Variants in CDADC1 observed in about 807,000 individuals in gnomAD.
CDADC1 encodes dCTP deaminase.
A neutral mutation model predicts 54.9 loss-of-function variants in CDADC1; 39 were observed. That is an observed-to-expected ratio of 0.71 (90% CI 0.55 to 0.93). The LOEUF is 0.93. Among genes scored for constraint, CDADC1 ranks in the 40% least tolerant of loss-of-function variants. The probability of loss-of-function intolerance (pLI) is 0.00; values close to 1 mark genes in which losing one functional copy is unlikely to be tolerated. For missense variants in CDADC1, 518 were observed against 618.8 expected (o/e 0.84, Z 1.73); for synonymous variants, 186 against 204.0 (o/e 0.91, Z 0.75).
chr13:49,253,223 G>T (rs888381859), intron 2 of CDADC1, among the ~76,000 whole-genome samples: 1 of 152,180 alleles, frequency 6.6e-6, no homozygotes, highest in Non-Finnish European at 1.5e-5. Flanking sequence ...AGTTACCAAA[G>T]TAATATATGT....
Position 49,282,741 on chromosome 13 carries a change from T to A in CDADC1, c.1410+2043T>A, listed in dbSNP as rs1953385224. ...ACTCCCCATTGCTCACATTACTGCT[T>A]AAGCTCTGCCTCCGGCCAGATCAGC... On this transcript the variant is annotated intron_variant, in intron 8 of 9. Coordinates refer to ENST00000251108, the MANE Select transcript of CDADC1 (RefSeq NM_030911.4). 3.3e-5 allele frequency among the ~76,000 whole-genome samples: 5 copies of A among 152,258 alleles called. No individual in the cohort carries two copies. The South Asian group carries it at 1.0e-3, about 31-fold the overall frequency.
At chr13:49,283,768 T>C (rs1953421196) in intron 8 of CDADC1, among the ~76,000 whole-genome samples, 1 of 152,194 alleles carries the variant, frequency 6.6e-6, no homozygotes, top group Non-Finnish European at 1.5e-5. Flanking sequence ...CTCAGGCACA[T>C]GTTCCAAAGG....
chr13:49,249,109 T>C (rs1184582125), intron 2 of CDADC1, 144 bp downstream of exon 2: 4 of 605,156 alleles, frequency 6.6e-6, no homozygotes, highest in African/African-American at 3.7e-5. Flanking sequence ...CATGACACTT[T>C]ATAATTCCCA....
Position 49,267,749 on chromosome 13 carries a change from A to G in CDADC1, c.690A>G (p.Glu230=). ...LPDANTDFYY[E]CKQERIKEYE... is the part of the protein sequence containing the mutation. ...ATGCTAACACTGACTTTTATTATGA[A>G]TGTAAACAAGAAAGAATAAAAGAAT... The change falls in exon 5 of 10, where the codon GAA becomes GAG. Residue 230 remains glutamate, a synonymous_variant. Transcript: ENST00000251108. The G allele has an allele frequency of 6.2e-7, 1 of 1,611,280 alleles. No individual in the cohort carries two copies. Among genetic ancestry groups the G allele is most frequent in the Non-Finnish European group, 8.5e-7 (1 of 1,178,832 alleles).
Position 49,248,246 on chromosome 13 carries a change from C to T in CDADC1, c.82+127C>T, listed in dbSNP as rs1308252261. The stretch of plus-strand genomic sequence containing the variant: ...CCCTGCTGCTTTTGGATGTCTCCTG[C>T]CCGCCCTCTGCGTGTCCCCTCCGCG... On this transcript the variant is annotated intron_variant, in intron 1 of 9. Transcript: ENST00000251108. 7.4e-6 allele frequency: 6 copies of T among 813,624 alleles called. No individual in the cohort carries two copies. The East Asian group carries it at 1.1e-4, about 15-fold the overall frequency. The allele number at this position is 813,624 out of a possible 1,614,324, so 50.4% of individuals were successfully genotyped here.
intron 4 of CDADC1, among the ~76,000 whole-genome samples, chr13:49,263,148 G>A (rs1952725386): frequency 6.6e-6 from 1 of 152,156 alleles, no homozygotes; most frequent in South Asian, 2.1e-4. Context: ...ACTGACAATG[G>A]TTAGTTAGAC....
At chr13:49,290,153 G>A (rs2138277352) in intron 9 of CDADC1, among the ~76,000 whole-genome samples, 1 of 151,986 alleles carries the variant, frequency 6.6e-6, no homozygotes, top group South Asian at 2.1e-4. Flanking sequence ...AATCAAGATA[G>A]GAGTTGCCTC....
intron 8 of CDADC1, among the ~76,000 whole-genome samples, chr13:49,282,541 T>C (rs974664259): frequency 1.3e-5 from 2 of 152,216 alleles, no homozygotes; most frequent in African/African-American, 4.8e-5. Flanking sequence ...TTTCCTCAAA[T>C]GAGAAATAAC....
rs1566370330 is a variant in CDADC1, at chr13:49,275,795, A to AGAGT, written c.1050+1456_1050+1457insAGTG. ...GAGAGAGAGAGAGAGAGAGAGAGAG[A>AGAGT]GTCTCACTCTGTTGCCAGGCTGGAG... On this transcript the variant is annotated intron_variant, in intron 6 of 9. Transcript: ENST00000251108. 6.7e-5 allele frequency among the ~76,000 whole-genome samples: 7 copies of AGAGT among 104,506 alleles called. 1 individual carries two copies. The highest frequency in any genetic ancestry group is 3.3e-4 in the East Asian group (1 of 3,060). The allele number at this position is 104,506 out of a possible 152,430, so 68.6% of individuals were successfully genotyped here. A position where few individuals can be genotyped will look rare whatever the true frequency, so the allele number is the denominator to read the frequency against.
chr13:49,278,533 C>A lies in CDADC1; in HGVS notation c.1220+14C>A. ...CTTGACATTTAGGTATGAAATCCTT[C>A]TTGGTGTACTTTTCTTTAAAATGTA... On this transcript the variant is annotated intron_variant, in intron 7 of 9. Transcript: ENST00000251108. The A allele has an allele frequency of 6.9e-7, 1 of 1,455,858 alleles. No individual in the cohort carries two copies. Among genetic ancestry groups the A allele is most frequent in the Non-Finnish European group, 9.3e-7 (1 of 1,078,990 alleles). The allele number at this position is 1,455,858 out of a possible 1,614,324, so 90.2% of individuals were successfully genotyped here. A position where few individuals can be genotyped will look rare whatever the true frequency, so the allele number is the denominator to read the frequency against.
chr13:49,264,485 C>T (rs1952765134), intron 4 of CDADC1, among the ~76,000 whole-genome samples: 1 of 146,490 alleles, frequency 6.8e-6, no homozygotes, highest in African/African-American at 2.5e-5. Flanking sequence ...ATTGTGAGGC[C>T]AGTGGGAGGA....
At chr13:49,249,115 T>C (rs1593779706) in intron 2 of CDADC1, 150 bp downstream of exon 2, 13 of 600,186 alleles carry the variant, frequency 2.2e-5, no homozygotes. Flanking sequence ...ACTTTATAAT[T>C]CCCAGCCGTA....
chr13:49,253,147 T>C, intron 2 of CDADC1, among the ~76,000 whole-genome samples: 1 of 152,250 alleles, frequency 6.6e-6, no homozygotes, highest in Admixed American at 6.5e-5. Flanking sequence ...ATTAGACATG[T>C]AATTGTATTG....
chr13:49,266,340 G>A (rs553392601), intron 4 of CDADC1, among the ~76,000 whole-genome samples: 92 of 152,164 alleles, frequency 6.0e-4, no homozygotes, highest in African/African-American at 2.0e-3. Context: ...TTGTTATCCT[G>A]TTATGTTTTC....
chr13:49,278,508 C>T lies in CDADC1; in HGVS notation c.1209C>T (p.Ala403=). The change falls in exon 7 of 10, where the codon GCC becomes GCT. Residue 403 remains alanine (A), a synonymous_variant. Transcript: ENST00000251108. ...FRYIIHAEQN[A]LTFRCQEIKP... Reference sequence around the variant, plus strand: ...ACATCATACATGCGGAACAGAATGCCTTGACATTTAGGTATGAAATCCTTC... The same window carrying T: ...ACATCATACATGCGGAACAGAATGCTTTGACATTTAGGTATGAAATCCTTC... The T allele has an allele frequency of 6.5e-7, 1 of 1,528,300 alleles. No homozygotes were observed. Among genetic ancestry groups the T allele is most frequent in the Non-Finnish European group, 8.9e-7 (1 of 1,121,480 alleles). The allele number at this position is 1,528,300 out of a possible 1,614,324, so 94.7% of individuals were successfully genotyped here. A position where few individuals can be genotyped will look rare whatever the true frequency, so the allele number is the denominator to read the frequency against.
chr13:49,289,168 G>A (rs902872853), intron 9 of CDADC1, among the ~76,000 whole-genome samples: 4 of 112,116 alleles, frequency 3.6e-5, no homozygotes, highest in Admixed American at 1.4e-4. Context: ...TCACTCTGTC[G>A]CCCAGTCTGG....
chr13:49,277,417 A>G (rs1168233291), intron 6 of CDADC1, among the ~76,000 whole-genome samples: 2 of 152,170 alleles, frequency 1.3e-5, no homozygotes, highest in African/African-American at 4.8e-5. Context: ...CCTGGGTGAC[A>G]GAGTGAGACC....
intron 5 of CDADC1, 44 bp downstream of exon 5, chr13:49,268,103 T>C (rs1271055962): frequency 7.0e-7 from 1 of 1,433,398 alleles, no homozygotes; most frequent in Non-Finnish European, 9.6e-7. Context: ...GGTTGGGTTG[T>C]ATTTGTCTCT....
At chr13:49,291,130 G>T (rs1023847222) in intron 9 of CDADC1, among the ~76,000 whole-genome samples, 10 of 149,740 alleles carry the variant, frequency 6.7e-5, no homozygotes, top group Non-Finnish European at 1.5e-4. Flanking sequence ...AAAGTTTTAT[G>T]AATTACTTGC....
Sources: gnomAD v4.1 joint callset for allele counts (sites outside exome capture counted in the v4.1 genomes callset) on GRCh38, gnomAD v4.1.1 for gene constraint, MANE v1.5 for transcripts, NCBI Gene and HGNC (gene_info 2026-07-23, HGNC 2026-07-21) for gene names.